Variants in PCSK1 observed in about 807,000 individuals in gnomAD.
The protein encoded by PCSK1 is neuroendocrine convertase 1.
In PCSK1, 56 loss-of-function variants were observed where a neutral mutation model predicts 90.6. The observed-to-expected ratio is 0.62, with a 90% CI of 0.50 to 0.77. PCSK1 has a LOEUF of 0.77. Ranked by LOEUF, PCSK1 falls within the 30% of genes least tolerant of loss-of-function variation. The probability of loss-of-function intolerance (pLI) is 0.00; values close to 1 mark genes in which losing one functional copy is unlikely to be tolerated. For synonymous variants in PCSK1, 348 were observed against 342.4 expected (o/e 1.02, Z -0.18); for missense variants, 801 against 932.6 (o/e 0.86, Z 1.84).
intron 1 of PCSK1, 61 bp downstream of exon 1, chr5:96,432,802 C>T: frequency 7.0e-7 from 1 of 1,423,404 alleles, no homozygotes; most frequent in Non-Finnish European, 9.9e-7. Context: ...TGGAAGACCG[C>T]GCTCCAGTCC....
Position 96,433,102 on chromosome 5 carries a change from A to G in PCSK1, c.-60T>C. 6.6e-7 allele frequency: 1 copy of G among 1,514,722 alleles called. No individual in the cohort carries two copies. Among genetic ancestry groups the G allele is most frequent in the Non-Finnish European group, 9.2e-7 (1 of 1,090,546 alleles). The allele number at this position is 1,514,722 out of a possible 1,614,324, so 93.8% of individuals were successfully genotyped here. A position where few individuals can be genotyped will look rare whatever the true frequency, so the allele number is the denominator to read the frequency against. On this transcript the variant is annotated 5_prime_UTR_variant, in exon 1 of 14. Transcript: ENST00000311106. ...GAAGAGGAAAAAGAAGCAAGATAGG[A>G]GAAAAGCCAGACAGACTCCCCCTTC...
At chr5:96,405,474 G>C (rs947427093) in intron 9 of PCSK1, among the ~76,000 whole-genome samples, 3 of 152,156 alleles carry the variant, frequency 2.0e-5, no homozygotes, top group Admixed American at 2.0e-4. Context: ...AATGAGGCTA[G>C]ATCATTCCTA....
At position 96,432,121 on chromosome 5, in the gene PCSK1, T is replaced by C. The variant is rs570633575; in HGVS notation, c.180+742A>G. 2.0e-5 allele frequency: 30 copies of C among 1,535,716 alleles called. No homozygotes were observed. The African/African-American group carries it at 3.7e-4, about 19-fold the overall frequency. On this transcript the variant is annotated intron_variant, in intron 1 of 13. Transcript: ENST00000311106. Reference sequence around the variant, plus strand: ...AAGAAAGAAATAGATCCCTTCCCCATAGTCAGTTCGGCATCTCGACCCTGC... The same window carrying C: ...AAGAAAGAAATAGATCCCTTCCCCACAGTCAGTTCGGCATCTCGACCCTGC...
intron 9 of PCSK1, among the ~76,000 whole-genome samples, chr5:96,407,513 G>T (rs1393192759): frequency 1.3e-5 from 2 of 152,276 alleles, no homozygotes; most frequent in South Asian, 4.1e-4. Flanking sequence ...AAATGGTATA[G>T]TCATTCAAGG....
rs1759901178 is a variant in PCSK1, at chr5:96,390,403, C to T, written c.*2598G>A. The T allele has an allele frequency of 6.6e-6, 1 of 152,176 alleles. No individual in the cohort carries two copies. The highest frequency in any genetic ancestry group is 2.4e-5 in the African/African-American group (1 of 41,434). 9.4% of individuals were successfully genotyped at this position (152,176 alleles called of 1,614,324 possible). On this transcript the variant is annotated 3_prime_UTR_variant, in exon 14 of 14. Coordinates refer to ENST00000311106, the MANE Select transcript of PCSK1 (RefSeq NM_000439.5). The stretch of plus-strand genomic sequence containing the variant: ...ACAATTTATTTTTCTGATTTATAAG[C>T]ATATTTTACATATTCTGGTCAATAC...
chr5:96,393,328 G>T lies in PCSK1; in HGVS notation c.1935C>A (p.Ser645Arg), dbSNP rs747454405. 9 of 1,614,020 alleles carry T rather than the reference G, an allele frequency of 5.6e-6. No homozygotes were observed. The highest frequency in any genetic ancestry group is 7.6e-6 in the Non-Finnish European group (9 of 1,180,004). ...NPKENTLVSK[S>R]PSSSSVGGRR... ...GGCCCCCTACGCTGCTGCTGCTGGG[G>T]CTTTTGGACACCAGGGTGTTCTCCT... is the stretch of plus-strand genomic sequence containing the variant. Residue 645 changes from serine to arginine, a missense_variant, in exon 14 of 14, where the codon AGC becomes AGA. Coordinates refer to ENST00000311106, the MANE Select transcript of PCSK1 (RefSeq NM_000439.5).
intron 13 of PCSK1, 52 bp from the exon 14 acceptor site, chr5:96,393,430 C>T (rs1760025019): frequency 1.0e-5 from 16 of 1,607,308 alleles, no homozygotes; most frequent in African/African-American, 1.3e-5. Context: ...TATTTATGGC[C>T]AGGCAAGCTA....
intron 6 of PCSK1, among the ~76,000 whole-genome samples, chr5:96,414,700 C>T (rs1269983397): frequency 6.6e-6 from 1 of 152,180 alleles, no homozygotes; most frequent in Non-Finnish European, 1.5e-5. Context: ...TCTTTCTCTA[C>T]AAAATGAAGG....
chr5:96,424,620 C>T (rs2112442208), intron 3 of PCSK1, among the ~76,000 whole-genome samples: 1 of 152,204 alleles, frequency 6.6e-6, no homozygotes, highest in Middle Eastern at 3.4e-3. Flanking sequence ...AGGAAATGCA[C>T]AAGTGTTAAC....
rs764273463 is a variant in PCSK1, at chr5:96,433,066, G to C, written c.-24C>G. On this transcript the variant is annotated 5_prime_UTR_variant, in exon 1 of 14. Coordinates refer to ENST00000311106, the MANE Select transcript of PCSK1 (RefSeq NM_000439.5). ...ATAGCTCACACACTCGCTTGAACAA[G>C]AGTGGGAAGGGAAGAGGAAAAAGAA... The C allele has an allele frequency of 8.1e-6, 13 of 1,609,780 alleles. No homozygotes were observed. Among genetic ancestry groups the C allele is most frequent in the African/African-American group, 1.3e-5 (1 of 74,838 alleles).
At chr5:96,394,251 T>C (rs191187391) in intron 13 of PCSK1, among the ~76,000 whole-genome samples, 32 of 152,316 alleles carry the variant, frequency 2.1e-4, no homozygotes, top group Non-Finnish European at 3.8e-4. Context: ...TGTGGGCTTT[T>C]CTCACCATCT....
At chr5:96,422,846 C>T (rs1232232365) in intron 4 of PCSK1, among the ~76,000 whole-genome samples, 1 of 152,134 alleles carries the variant, frequency 6.6e-6, no homozygotes, top group Non-Finnish European at 1.5e-5. Flanking sequence ...TTTCCTTTCT[C>T]AGCTTGGCAT....
intron 9 of PCSK1, among the ~76,000 whole-genome samples, chr5:96,401,981 G>A (rs1760391989): frequency 1.3e-5 from 2 of 152,170 alleles, no homozygotes; most frequent in Non-Finnish European, 2.9e-5. Context: ...TTTGAGACCT[G>A]TATTGTTCCC....
Position 96,392,855 on chromosome 5 carries a change from G to T in PCSK1, c.*146C>A. On this transcript the variant is annotated 3_prime_UTR_variant, in exon 14 of 14. Transcript: ENST00000311106. The stretch of plus-strand genomic sequence containing the variant: ...CTGCTTGAGCTCATCCCCTTCACAT[G>T]TACAGTTTAGGGAGAAAAAGAAAAG... 1 of 795,858 alleles carries T rather than the reference G, an allele frequency of 1.3e-6. No homozygotes were observed. The highest frequency in any genetic ancestry group is 2.1e-6 in the Non-Finnish European group (1 of 473,268). The allele number at this position is 795,858 out of a possible 1,614,324, so 49.3% of individuals were successfully genotyped here. A position where few individuals can be genotyped will look rare whatever the true frequency, so the allele number is the denominator to read the frequency against.
chr5:96,404,965 T>C (rs1245417243), intron 9 of PCSK1, among the ~76,000 whole-genome samples: 7 of 152,222 alleles, frequency 4.6e-5, no homozygotes, highest in Non-Finnish European at 2.9e-5. Flanking sequence ...AGGCAAGGGC[T>C]CTTCAGTCTC....
chr5:96,425,008 A>AAAAAGAAAGAAAG (rs1554059750), intron 3 of PCSK1, among the ~76,000 whole-genome samples: 3 of 117,478 alleles, frequency 2.6e-5, no homozygotes, highest in Admixed American at 9.4e-5. Context: ...AGAAAGAAAG[A>AAAAAGAAAGAAAG]AAAGAAAGAA....
At chr5:96,409,459 G>C (rs561141407) in intron 8 of PCSK1, among the ~76,000 whole-genome samples, 1 of 152,174 alleles carries the variant, frequency 6.6e-6, no homozygotes, top group Non-Finnish European at 1.5e-5. Flanking sequence ...AAAGGTTTGC[G>C]TAAGAAAAAG....
In PCSK1 at chr5:96,397,461, T is replaced by A; in HGVS notation, c.1597A>T (p.Thr533Ser). Residue 533 changes from threonine to serine, a missense_variant, in exon 12 of 14, where the codon ACT (threonine) becomes TCT (serine). By Grantham distance (58) the Thr-to-Ser change is moderately conservative. Transcript: ENST00000311106. ...VTLTSAAGTS[T>S]VLLAERERDT... ...CGTTCTCTTTCAGCCAAGAGCACAG[T>A]GCTAGTTCCTATGAAACAAATACAA... is the stretch of plus-strand genomic sequence containing the variant. 6.2e-7 allele frequency: 1 copy of A among 1,612,980 alleles called. No individual in the cohort carries two copies. The highest frequency in any genetic ancestry group is 1.1e-5 in the South Asian group (1 of 91,044).
chr5:96,391,223 C>T lies in PCSK1; in HGVS notation c.*1778G>A, dbSNP rs1759927438. 1.3e-5 allele frequency: 2 copies of T among 152,202 alleles called. No homozygotes were observed. The highest frequency in any genetic ancestry group is 4.8e-5 in the African/African-American group (2 of 41,442). The allele number at this position is 152,202 out of a possible 1,614,324, so 9.4% of individuals were successfully genotyped here. On this transcript the variant is annotated 3_prime_UTR_variant, in exon 14 of 14. Coordinates refer to ENST00000311106, the MANE Select transcript of PCSK1 (RefSeq NM_000439.5). ...CATTGCTCTGCAAACACCCTCTACA[C>T]AAATTCAAATGGTAGAAGAGCAGGT...
Sources: gnomAD v4.1 joint callset for allele counts (sites outside exome capture counted in the v4.1 genomes callset) on GRCh38, gnomAD v4.1.1 for gene constraint, MANE v1.5 for transcripts, NCBI Gene and HGNC (gene_info 2026-07-23, HGNC 2026-07-21) for gene names.